The following RPS6KA2 variants were observed in gnomAD, a reference collection of about 807,000 sequenced individuals.
RPS6KA2 encodes ribosomal protein S6 kinase A2.
RPS6KA2 carries 42 observed loss-of-function variants against 91.8 expected under a neutral mutation model. That is an observed-to-expected ratio of 0.46 (90% CI 0.36 to 0.59). The LOEUF (loss-of-function observed/expected upper bound fraction) is 0.59. RPS6KA2 is among the 20% of genes least tolerant of loss of function. The pLI, the probability that RPS6KA2 is intolerant of heterozygous loss-of-function variation, is 0.00. For missense variants in RPS6KA2, 798 were observed against 978.5 expected (o/e 0.82, Z 2.46); for synonymous variants, 414 against 393.6 (o/e 1.05, Z -0.61).
chr6:166,615,138 G>A (rs149547385), intron 1 of RPS6KA2, among the ~76,000 whole-genome samples: 262 of 152,216 alleles, frequency 1.7e-3, no homozygotes, highest in African/African-American at 6.1e-3. Context: ...AGCAGGATGT[G>A]GCCGCATTGT....
rs2072832 is a variant in RPS6KA2, at chr6:166,490,474, C to T, written c.818+197G>A. On this transcript the variant is annotated intron_variant, in intron 9 of 20. Coordinates refer to ENST00000265678, the MANE Select transcript of RPS6KA2 (RefSeq NM_021135.6). The surrounding 1 kb of genome is among the most constrained non-coding windows in gnomAD (Gnocchi z 4.2). The stretch of plus-strand genomic sequence containing the variant: ...CCCACTGTCATTAGAATGCCCAGCA[C>T]CCTATTACCACTGCTACTGGCGGAC... Among the ~76,000 whole-genome samples the T allele has an allele frequency of 0.25, 37,487 of 152,166 alleles. 5,494 individuals carry two copies. Among genetic ancestry groups the T allele is most frequent in the East Asian group, 0.52 (2,685 of 5,176 alleles).
At chr6:166,677,718 A>T (rs1250829048) in intron 2 of RPS6KA2, among the ~76,000 whole-genome samples, 4 of 152,222 alleles carry the variant, frequency 2.6e-5, no homozygotes, top group African/African-American at 9.6e-5. Context: ...TCTAAAATTA[A>T]AAGTAAATTA....
chr6:166,795,438 T>A (rs999642918), intron 2 of RPS6KA2, among the ~76,000 whole-genome samples: 11 of 152,234 alleles, frequency 7.2e-5, no homozygotes, highest in African/African-American at 2.7e-4. Flanking sequence ...CAGGTGAACA[T>A]TGACCATGTG....
At chr6:166,636,094 T>C (rs1787233359) in intron 2 of RPS6KA2, among the ~76,000 whole-genome samples, 1 of 152,184 alleles carries the variant, frequency 6.6e-6, no homozygotes, top group African/African-American at 2.4e-5. Context: ...ACAAAGACCC[T>C]GGGTCTCACC....
chr6:166,607,981 G>T (rs1009179709), intron 1 of RPS6KA2, among the ~76,000 whole-genome samples: 3 of 151,194 alleles, frequency 2.0e-5, no homozygotes, highest in Non-Finnish European at 4.4e-5. Context: ...CTGCACTTCT[G>T]CCAGAGCGAG....
Position 166,517,455 on chromosome 6 carries a change from GTTTTTTTTTTTTTTTTT to G in RPS6KA2, c.299-7115_299-7099del, listed in dbSNP as rs71032809. Among the ~76,000 whole-genome samples, 179 of 104,946 alleles carry G rather than the reference GTTTTTTTTTTTTTTTTT, an allele frequency of 1.7e-3. 2 individuals are homozygous for G. Among genetic ancestry groups the G allele is most frequent in the African/African-American group, 7.3e-3 (164 of 22,532 alleles). The allele number at this position is 104,946 out of a possible 152,430, so 68.8% of individuals were successfully genotyped here. On this transcript the variant is annotated intron_variant, in intron 3 of 20. Coordinates refer to ENST00000265678, the MANE Select transcript of RPS6KA2 (RefSeq NM_021135.6). ...ACCACTTAAGGCGTTCTTTTGTTTT[GTTTTTTTTTTTTTTTTT>G]TTTTTTTTTTTTTTGAGACGGAGTC...
chr6:166,836,850 C>A (rs992584766), intron 2 of RPS6KA2, among the ~76,000 whole-genome samples: 1 of 152,166 alleles, frequency 6.6e-6, no homozygotes, highest in Admixed American at 6.5e-5. Context: ...ACACCTGCAC[C>A]CAAGCTGGCC....
intron 2 of RPS6KA2, among the ~76,000 whole-genome samples, chr6:166,684,395 G>A (rs745546242): frequency 6.6e-6 from 1 of 152,222 alleles, no homozygotes; most frequent in Non-Finnish European, 1.5e-5. Context: ...CCTGCCCTGA[G>A]CTGCTACTTT....
At chr6:166,850,280 A>AT (rs1780706499) in intron 2 of RPS6KA2, among the ~76,000 whole-genome samples, 1 of 152,116 alleles carries the variant, frequency 6.6e-6, no homozygotes, top group African/African-American at 2.4e-5. Flanking sequence ...GACACCTTGC[A>AT]TCTTACCCAA....
At chr6:166,564,311 G>A (rs1252877766) in intron 1 of RPS6KA2, among the ~76,000 whole-genome samples, 2 of 152,000 alleles carry the variant, frequency 1.3e-5, no homozygotes, top group African/African-American at 4.8e-5. Flanking sequence ...TTACAGCCTC[G>A]GCCCACCTGT....
intron 3 of RPS6KA2, among the ~76,000 whole-genome samples, chr6:166,513,501 G>A (rs1782540245): frequency 1.3e-5 from 2 of 152,200 alleles, no homozygotes; most frequent in Admixed American, 6.5e-5. Context: ...GAGGAAACAT[G>A]CTCACTGCAG....
At chr6:166,819,945 T>C (rs1779862687) in intron 2 of RPS6KA2, among the ~76,000 whole-genome samples, 1 of 152,184 alleles carries the variant, frequency 6.6e-6, no homozygotes, top group African/African-American at 2.4e-5. Flanking sequence ...TCAAGAGTTT[T>C]TCCACTTTTC....
chr6:166,861,971 A>T, intron 1 of RPS6KA2: 1 of 1,076,210 alleles, frequency 9.3e-7, no homozygotes, highest in Non-Finnish European at 1.4e-6. Context: ...ACATCCACAC[A>T]CACTGGATAG....
chr6:166,615,147 G>A (rs903345768), intron 1 of RPS6KA2, among the ~76,000 whole-genome samples: 6 of 152,206 alleles, frequency 3.9e-5, no homozygotes, highest in African/African-American at 1.4e-4. Flanking sequence ...TGGCCGCATT[G>A]TTCATTAGCA....
At chr6:166,595,409 T>A (rs1399980161) in intron 1 of RPS6KA2, among the ~76,000 whole-genome samples, 1 of 152,218 alleles carries the variant, frequency 6.6e-6, no homozygotes, top group Non-Finnish European at 1.5e-5. Flanking sequence ...TGCTATTTCA[T>A]AATTCCCAAA....
At chr6:166,442,101 T>C (rs1779537201) in intron 14 of RPS6KA2, among the ~76,000 whole-genome samples, 1 of 152,240 alleles carries the variant, frequency 6.6e-6, no homozygotes, top group Non-Finnish European at 1.5e-5. Context: ...CACTTGCACC[T>C]GGCACACCTT....
At chr6:166,589,946 G>A (rs1562327385) in intron 1 of RPS6KA2, among the ~76,000 whole-genome samples, 1 of 152,164 alleles carries the variant, frequency 6.6e-6, no homozygotes, top group African/African-American at 2.4e-5. Context: ...AGGCATGCAA[G>A]TGAGATACAC....
At chr6:166,538,629 C>T in intron 2 of RPS6KA2, 39 bp downstream of exon 2, 1 of 1,190,402 alleles carries the variant, frequency 8.4e-7, no homozygotes, top group Non-Finnish European at 1.3e-6. Context: ...CCTTTGTGTT[C>T]AGGAATGAGA....
At chr6:166,488,743 G>A in intron 10 of RPS6KA2, 90 bp downstream of exon 10, 1 of 990,622 alleles carries the variant, frequency 1.0e-6, no homozygotes. Context: ...CATTGGGCCG[G>A]AGCAGGAGGG....
Sources: allele counts gnomAD v4.1 joint callset (sites outside exome capture counted in the v4.1 genomes callset), GRCh38; gene constraint gnomAD v4.1.1; non-coding constraint Gnocchi (gnomAD v3.1); transcripts MANE v1.5; gene names NCBI Gene and HGNC (gene_info 2026-07-23, HGNC 2026-07-21).